GUCY1A2: variants seen among roughly 807,000 people sequenced by gnomAD.
The protein encoded by GUCY1A2 is guanylate cyclase 1 soluble subunit alpha 2, also known as guanylate cyclase soluble subunit alpha-2.
A neutral mutation model predicts 63.5 loss-of-function variants in GUCY1A2; 27 were observed. That is an observed-to-expected ratio of 0.43 (90% CI 0.31 to 0.59). The LOEUF (loss-of-function observed/expected upper bound fraction) is 0.59. Ranked by LOEUF, GUCY1A2 falls within the 20% of genes least tolerant of loss-of-function variation. GUCY1A2 has a pLI of 0.11. For synonymous variants in GUCY1A2, 364 were observed against 343.5 expected, an observed-to-expected ratio of 1.06 and a Z score of -0.66; for missense variants, 768 against 913.3, an observed-to-expected ratio of 0.84 and a Z score of 2.05.
intron 4 of GUCY1A2, among the ~76,000 whole-genome samples, chr11:106,823,129 C>T (rs931429555): frequency 2.0e-5 from 3 of 152,042 alleles, no homozygotes; most frequent in Non-Finnish European, 4.4e-5. Context: ...GGAACATGTA[C>T]ATGTTTGTCA....
At chr11:106,968,137 T>C (rs1412407999) in intron 3 of GUCY1A2, among the ~76,000 whole-genome samples, 6 of 152,240 alleles carry the variant, frequency 3.9e-5, no homozygotes, top group African/African-American at 1.4e-4. Flanking sequence ...AGTTAAATTG[T>C]TAAAAGTCAT....
intron 4 of GUCY1A2, among the ~76,000 whole-genome samples, chr11:106,848,157 C>T (rs527271894): frequency 5.3e-5 from 8 of 151,670 alleles, no homozygotes; most frequent in African/African-American, 9.6e-5. Flanking sequence ...AATGCTGGAA[C>T]GAGTTTCTTT....
At chr11:106,791,482 T>C (rs1864659343) in intron 5 of GUCY1A2, among the ~76,000 whole-genome samples, 1 of 151,658 alleles carries the variant, frequency 6.6e-6, no homozygotes, top group Admixed American at 6.6e-5. Flanking sequence ...GGTATTTGTG[T>C]GTGTGTGTGT....
chr11:106,779,462 T>C (rs1369211576), intron 5 of GUCY1A2, among the ~76,000 whole-genome samples: 2 of 152,210 alleles, frequency 1.3e-5, no homozygotes, highest in Non-Finnish European at 2.9e-5. Flanking sequence ...TGAAAATCTA[T>C]CTATGATGCT....
At chr11:106,999,084 C>T (rs1454751454) in intron 1 of GUCY1A2, among the ~76,000 whole-genome samples, 3 of 152,140 alleles carry the variant, frequency 2.0e-5, no homozygotes, top group African/African-American at 7.2e-5. Context: ...CACCCACAAC[C>T]CCATGTTCCT....
intron 4 of GUCY1A2, among the ~76,000 whole-genome samples, chr11:106,920,007 A>G (rs570120691): frequency 6.6e-6 from 1 of 152,164 alleles, no homozygotes; most frequent in Non-Finnish European, 1.5e-5. Context: ...AAAAAATTAC[A>G]GGTTGACTCA....
intron 6 of GUCY1A2, among the ~76,000 whole-genome samples, chr11:106,715,564 G>A (rs1325477413): frequency 6.6e-6 from 1 of 152,190 alleles, no homozygotes; most frequent in Non-Finnish European, 1.5e-5. Context: ...ACACAGAAGA[G>A]TTAGCATATT....
intron 1 of GUCY1A2, among the ~76,000 whole-genome samples, chr11:106,992,325 CTTTT>C (rs11297661): frequency 1.8e-5 from 2 of 113,754 alleles, no homozygotes; most frequent in East Asian, 2.8e-4. Context: ...AAGAATATGT[CTTTT>C]TTTTTTTTTT....
At chr11:106,869,088 A>G (rs867986846) in intron 4 of GUCY1A2, among the ~76,000 whole-genome samples, 1 of 152,196 alleles carries the variant, frequency 6.6e-6, no homozygotes, top group African/African-American at 2.4e-5. Context: ...CCTTCTTTAC[A>G]CCTTATATGA....
In GUCY1A2 at chr11:106,883,074, T is replaced by C. The variant is rs116918266; in HGVS notation, c.1206+56386A>G. On this transcript the variant is annotated intron_variant, in intron 4 of 7. Coordinates refer to ENST00000526355, the MANE Select transcript of GUCY1A2 (RefSeq NM_000855.3). ...ATAAAAATTATATTTGCCTTTGATA[T>C]TACACATTGAAGGTATCTAGAGAAA... is the stretch of plus-strand genomic sequence containing the variant. Among the ~76,000 whole-genome samples, 43 of 152,192 alleles carry C rather than the reference T, an allele frequency of 2.8e-4. No homozygotes were observed. In the East Asian group the frequency reaches 7.5e-3, roughly 27 times the overall value.
chr11:106,696,675 CA>C (rs1236564589), intron 7 of GUCY1A2, among the ~76,000 whole-genome samples: 3 of 152,038 alleles, frequency 2.0e-5, no homozygotes, highest in African/African-American at 4.8e-5. Context: ...GAAGGCAAAT[CA>C]ACCTAGGAAA....
At chr11:106,992,600 G>T (rs1861484751) in intron 1 of GUCY1A2, among the ~76,000 whole-genome samples, 1 of 152,078 alleles carries the variant, frequency 6.6e-6, no homozygotes, top group South Asian at 2.1e-4. Context: ...AAAGTGCTGG[G>T]ATTACAGGCA....
At chr11:106,995,368 G>T (rs944441016) in intron 1 of GUCY1A2, among the ~76,000 whole-genome samples, 1 of 152,174 alleles carries the variant, frequency 6.6e-6, no homozygotes, top group Non-Finnish European at 1.5e-5. Context: ...AGTCACTTAG[G>T]TAGTAAGTGT....
At chr11:106,861,738 A>G (rs930005684) in intron 4 of GUCY1A2, among the ~76,000 whole-genome samples, 1 of 152,092 alleles carries the variant, frequency 6.6e-6, no homozygotes, top group Non-Finnish European at 1.5e-5. Context: ...CAAACATGCT[A>G]TTAAAAATGA....
chr11:106,998,541 A>C (rs535025359), intron 1 of GUCY1A2, among the ~76,000 whole-genome samples: 2 of 152,226 alleles, frequency 1.3e-5, no homozygotes, highest in Admixed American at 1.3e-4. Context: ...TACTGATTGG[A>C]TATCACTTAC....
intron 4 of GUCY1A2, among the ~76,000 whole-genome samples, chr11:106,847,344 T>G (rs1859290160): frequency 6.6e-6 from 1 of 150,992 alleles, no homozygotes; most frequent in African/African-American, 2.4e-5. Context: ...TAAAATGACA[T>G]ATGATAAAAT....
intron 4 of GUCY1A2, among the ~76,000 whole-genome samples, chr11:106,890,660 A>G (rs1196997468): frequency 1.3e-5 from 2 of 152,174 alleles, no homozygotes; most frequent in Non-Finnish European, 2.9e-5. Context: ...ATTTTTACAC[A>G]AAATTTCATC....
At chr11:106,891,446 A>G (rs895593672) in intron 4 of GUCY1A2, among the ~76,000 whole-genome samples, 2 of 152,058 alleles carry the variant, frequency 1.3e-5, no homozygotes, top group Admixed American at 6.6e-5. Context: ...AATTTTGATG[A>G]AATTTAATTT....
chr11:106,859,346 C>T (rs1429004121), intron 4 of GUCY1A2, among the ~76,000 whole-genome samples: 1 of 151,936 alleles, frequency 6.6e-6, no homozygotes, highest in African/African-American at 2.4e-5. Context: ...GACATTGTCT[C>T]ATACTTAAAT....
Sources: gnomAD v4.1 joint callset for allele counts (sites outside exome capture counted in the v4.1 genomes callset) on GRCh38, gnomAD v4.1.1 for gene constraint, MANE v1.5 for transcripts, NCBI Gene and HGNC (gene_info 2026-07-23, HGNC 2026-07-21) for gene names.